Variants in RARRES1 observed in about 807,000 individuals in gnomAD.
RARRES1 encodes the protein retinoic acid receptor responder protein 1.
A neutral mutation model predicts 30.6 loss-of-function variants in RARRES1; 34 were observed. The ratio of observed to expected loss-of-function variants is 1.11; its 90% CI spans 0.84 to 1.48. The LOEUF is 1.48. Ranked by LOEUF, RARRES1 falls within the 40% of genes most tolerant of loss-of-function variation. The pLI is 0.00. For missense variants in RARRES1, 373 were observed against 386.5 expected (o/e 0.97, Z 0.29); for synonymous variants, 153 against 155.5 (o/e 0.98, Z 0.12).
At chr3:158,726,067 A>G (rs4680459) in intron 1 of RARRES1, among the ~76,000 whole-genome samples, 2,883 of 152,258 alleles carry the variant, frequency 0.019, 33 homozygotes, top group Non-Finnish European at 0.027. Flanking sequence ...CTTTCCTTAC[A>G]TGAAAATTAA....
rs1037566670 is a variant in RARRES1 at position 158,706,938 on chromosome 3, G to A, written c.536-2011C>T. Among the ~76,000 whole-genome samples the A allele has an allele frequency of 2.0e-5, 3 of 152,154 alleles. No individual in the cohort carries two copies. The South Asian group carries it at 6.2e-4, about 32-fold the overall frequency. On this transcript the variant is annotated intron_variant, in intron 3 of 5. Coordinates refer to ENST00000237696, the MANE Select transcript of RARRES1 (RefSeq NM_206963.2). ...AATCCCAGCACTTTGGGAGGCCAAG[G>A]GGGGTGGATCACCGGAGGTCAGGAG... is the stretch of plus-strand genomic sequence containing the variant.
chr3:158,714,338 A>C (rs1364247130), intron 1 of RARRES1, among the ~76,000 whole-genome samples: 1 of 152,200 alleles, frequency 6.6e-6, no homozygotes, highest in Non-Finnish European at 1.5e-5. Context: ...TGAATGAAGA[A>C]AGACAGTGGT....
chr3:158,704,924 T>C lies in RARRES1; in HGVS notation c.539A>G (p.Asn180Ser), dbSNP rs754085409. ...CAGAGAGGGATCAATATGTCCATGATTATCTGAGAGAGACAAAAAAAGCAC... is the reference window on the plus strand; with the variant it reads ...CAGAGAGGGATCAATATGTCCATGACTATCTGAGAGAGACAAAAAAAGCAC... ...NPLEIVSIPDNHGHIDPSLRL... is the reference protein window; with the variant it reads ...NPLEIVSIPDSHGHIDPSLRL... Residue 180 changes from asparagine (N) to serine (S), a missense_variant, in exon 4 of 6, where the codon AAT (asparagine) becomes AGT (serine). Physicochemically the swap from Asn to Ser is conservative, Grantham distance 46 (BLOSUM62 1). Coordinates refer to ENST00000237696, the MANE Select transcript of RARRES1 (RefSeq NM_206963.2). 8.1e-6 allele frequency: 13 copies of C among 1,606,348 alleles called. No homozygotes were observed. The highest frequency in any genetic ancestry group is 1.7e-5 in the Admixed American group (1 of 58,068).
chr3:158,704,858 A>C lies in RARRES1; in HGVS notation c.605T>G (p.Val202Gly). 1 of 1,614,096 alleles carries C rather than the reference A, an allele frequency of 6.2e-7. No individual in the cohort carries two copies. The highest frequency in any genetic ancestry group is 8.5e-7 in the Non-Finnish European group (1 of 1,180,012). The change falls in exon 4 of 6, where the codon GTG (valine) becomes GGG (glycine). Residue 202 changes from valine to glycine, a missense_variant. Physicochemically the swap from Val to Gly is moderately radical, Grantham distance 109 (BLOSUM62 -3). Transcript: ENST00000237696. ...WDLAFLGSSY[V>G]MWEMTTQVSH... ...CACCTGTGTTGTCATTTCCCACATC[A>C]CGTAAGAGCTTCCAAGGAAAGCCAA...
At position 158,697,787 on chromosome 3, in the gene RARRES1, C is replaced by T; in HGVS notation, c.776G>A (p.Gly259Asp). 1 of 1,611,284 alleles carries T rather than the reference C, an allele frequency of 6.2e-7. No individual in the cohort carries two copies. Among genetic ancestry groups the T allele is most frequent in the Non-Finnish European group, 8.5e-7 (1 of 1,177,564 alleles). Residue 259 changes from glycine (G) to aspartate (D), a missense_variant, in exon 6 of 6, where the codon GGC becomes GAC. By Grantham distance (94) the Gly-to-Asp change is moderately conservative. Coordinates refer to ENST00000237696, the MANE Select transcript of RARRES1 (RefSeq NM_206963.2). ...GTGGTACTTCACTTTAAGAGGTTTG[C>T]CAGGGTACCAGACCAAGTGAATGCG... is the stretch of plus-strand genomic sequence containing the variant. The part of the protein sequence containing the change: ...PCRIHLVWYP[G>D]KPLKVKYHCQ...
intron 1 of RARRES1, among the ~76,000 whole-genome samples, chr3:158,717,107 T>C (rs1041510776): frequency 2.0e-5 from 3 of 152,182 alleles, no homozygotes; most frequent in African/African-American, 7.2e-5. Context: ...GCCACCTTCC[T>C]CTGGATGCAG....
At chr3:158,707,176 CAAACA>C (rs869183163) in intron 3 of RARRES1, among the ~76,000 whole-genome samples, 2 of 151,836 alleles carry the variant, frequency 1.3e-5, no homozygotes, top group South Asian at 2.1e-4. Flanking sequence ...AACAAACAAA[CAAACA>C]AAAAAACTAC....
chr3:158,706,235 G>T (rs779138269), intron 3 of RARRES1, among the ~76,000 whole-genome samples: 8 of 152,178 alleles, frequency 5.3e-5, no homozygotes, highest in Non-Finnish European at 1.2e-4. Context: ...GACATGGTGG[G>T]GTTATAGTTG....
At chr3:158,698,705 G>A (rs1178113030) in intron 4 of RARRES1, among the ~76,000 whole-genome samples, 1 of 147,754 alleles carries the variant, frequency 6.8e-6, no homozygotes, top group African/African-American at 2.5e-5. Flanking sequence ...GTGCTTATCT[G>A]TTCACTAGTA....
chr3:158,723,025 T>C lies in RARRES1; in HGVS notation c.276+9115A>G, dbSNP rs1456117788. ...ATGGAGGAGTCTCCAAAGACATGAT[T>C]CTGCCCAAAGCTTCTCTACAGAAAA... On this transcript the variant is annotated intron_variant, in intron 1 of 5. Coordinates refer to ENST00000237696, the MANE Select transcript of RARRES1 (RefSeq NM_206963.2). The surrounding 1 kb of genome is among the most constrained non-coding windows in gnomAD (Gnocchi z 4.4). Among the ~76,000 whole-genome samples the C allele has an allele frequency of 6.6e-6, 1 of 152,164 alleles. No homozygotes were observed. The highest frequency in any genetic ancestry group is 1.5e-5 in the Non-Finnish European group (1 of 68,032).
chr3:158,697,482 C>T lies in RARRES1; in HGVS notation c.*196G>A, dbSNP rs1726582520. 1.7e-6 allele frequency: 1 copy of T among 576,404 alleles called. No individual in the cohort carries two copies. The allele number at this position is 576,404 out of a possible 1,614,324, so 35.7% of individuals were successfully genotyped here. Reference sequence around the variant, plus strand: ...TTAGCACTGAGCAGAGTTCAGTGTGCATGCGCTTCCAGAGTTAAAAGCTAA... The same window carrying T: ...TTAGCACTGAGCAGAGTTCAGTGTGTATGCGCTTCCAGAGTTAAAAGCTAA... On this transcript the variant is annotated 3_prime_UTR_variant, in exon 6 of 6. Coordinates refer to ENST00000237696, the MANE Select transcript of RARRES1 (RefSeq NM_206963.2).
chr3:158,720,120 A>G (rs1360958115), intron 1 of RARRES1, among the ~76,000 whole-genome samples: 1 of 152,160 alleles, frequency 6.6e-6, no homozygotes, highest in African/African-American at 2.4e-5. Flanking sequence ...CAACACAGGA[A>G]GCAGGAAAAC....
intron 1 of RARRES1, among the ~76,000 whole-genome samples, chr3:158,730,209 A>T (rs549747984): frequency 1.3e-4 from 20 of 151,384 alleles, no homozygotes; most frequent in African/African-American, 4.6e-4. Flanking sequence ...AATCCCAGCT[A>T]CTCAGGAGGC....
chr3:158,721,529 A>T (rs1198323700), intron 1 of RARRES1, among the ~76,000 whole-genome samples: 1 of 152,216 alleles, frequency 6.6e-6, no homozygotes, highest in African/African-American at 2.4e-5. Flanking sequence ...AGGAAGTGAC[A>T]TGTAGATCAG....
chr3:158,722,086 CAAA>C (rs571829700), intron 1 of RARRES1, among the ~76,000 whole-genome samples: 19 of 68,740 alleles, frequency 2.8e-4, no homozygotes, highest in African/African-American at 7.6e-4. Flanking sequence ...GAATGAAACT[CAAA>C]AAAAAAAAAA....
chr3:158,697,425 G>T lies in RARRES1; in HGVS notation c.*253C>A. On this transcript the variant is annotated 3_prime_UTR_variant, in exon 6 of 6. Transcript: ENST00000237696. The stretch of plus-strand genomic sequence containing the variant: ...GATTATCCAGGTTTTACATTTTAGG[G>T]CTGAAACCCTGAGGAACCTGCTGGT... The T allele has an allele frequency of 2.9e-6, 1 of 347,124 alleles. No homozygotes were observed. The highest frequency in any genetic ancestry group is 8.0e-5 in the South Asian group (1 of 12,470). 21.5% of individuals were successfully genotyped at this position (347,124 alleles called of 1,614,324 possible).
At position 158,710,828 on chromosome 3, in the gene RARRES1, T is replaced by C. The variant is rs1727101282; in HGVS notation, c.445A>G (p.Ile149Val). 6 of 1,613,462 alleles carry C rather than the reference T, an allele frequency of 3.7e-6. No individual in the cohort carries two copies. Among genetic ancestry groups the C allele is most frequent in the Non-Finnish European group, 5.1e-6 (6 of 1,179,474 alleles). The stretch of plus-strand genomic sequence containing the variant: ...TCTTGTTGTCTTTTCTTTTTCTCGA[T>C]GAGCCGTGTACAAGTTACATTGATG... The part of the protein sequence containing the change: ...PTINVTCTRL[I>V]EKKKRQQEDY... The change falls in exon 3 of 6, where the codon ATC (isoleucine) becomes GTC (valine). Residue 149 changes from isoleucine to valine, a missense_variant. Coordinates refer to ENST00000237696, the MANE Select transcript of RARRES1 (RefSeq NM_206963.2).
chr3:158,717,981 A>ATTTTT (rs10663483), intron 1 of RARRES1, among the ~76,000 whole-genome samples: 16 of 144,536 alleles, frequency 1.1e-4, no homozygotes, highest in African/African-American at 2.8e-4. Context: ...TATTAAGACA[A>ATTTTT]TTTTTTTTTT....
At chr3:158,717,702 T>C (rs1727367474) in intron 1 of RARRES1, among the ~76,000 whole-genome samples, 1 of 151,556 alleles carries the variant, frequency 6.6e-6, no homozygotes, top group African/African-American at 2.4e-5. Flanking sequence ...GAGTGAGGAG[T>C]TGTGCAGAGT....
Sources: gnomAD v4.1 joint callset for allele counts (sites outside exome capture counted in the v4.1 genomes callset) on GRCh38, gnomAD v4.1.1 for gene constraint, Gnocchi (gnomAD v3.1) non-coding constraint, MANE v1.5 for transcripts, NCBI Gene and HGNC (gene_info 2026-07-23, HGNC 2026-07-21) for gene names.